The following SCTR variants were observed in gnomAD, a reference collection of about 807,000 sequenced individuals.
The protein encoded by SCTR is pancreatic secretin receptor.
A neutral mutation model predicts 60.8 loss-of-function variants in SCTR; 56 were observed. The observed-to-expected ratio is 0.92, with a 90% CI of 0.74 to 1.15. SCTR has a LOEUF of 1.15. Among genes scored for constraint, SCTR ranks in the 50% most tolerant of loss-of-function variants. The pLI is 0.00. For synonymous variants in SCTR, 202 were observed against 217.0 expected, an observed-to-expected ratio of 0.93 and a Z score of 0.61; for missense variants, 562 against 550.4, an observed-to-expected ratio of 1.02 and a Z score of -0.21.
intron 8 of SCTR, among the ~76,000 whole-genome samples, chr2:119,452,635 A>G (rs945130577): frequency 6.6e-6 from 1 of 152,174 alleles, no homozygotes; most frequent in Admixed American, 6.5e-5. Flanking sequence ...CCAATACAAA[A>G]ATTACTTTGA....
chr2:119,488,973 G>A (rs752396784), intron 2 of SCTR, among the ~76,000 whole-genome samples: 3 of 152,180 alleles, frequency 2.0e-5, no homozygotes, highest in Non-Finnish European at 4.4e-5. Flanking sequence ...ATCCAGCAGT[G>A]AGTGGCCTCA....
At chr2:119,507,138 T>C (rs1184793118) in intron 1 of SCTR, among the ~76,000 whole-genome samples, 1 of 152,144 alleles carries the variant, frequency 6.6e-6, no homozygotes, top group East Asian at 1.9e-4. Flanking sequence ...TAAAAGAACA[T>C]CTAGCTAGGT....
chr2:119,450,660 T>G (rs1299404279), intron 9 of SCTR, among the ~76,000 whole-genome samples: 1 of 152,212 alleles, frequency 6.6e-6, no homozygotes, highest in Non-Finnish European at 1.5e-5. Flanking sequence ...GAATGATTTT[T>G]TTTTTCCTTT....
intron 5 of SCTR, 31 bp from the exon 6 acceptor site, chr2:119,464,286 C>T (rs1243133456): frequency 6.2e-7 from 1 of 1,613,362 alleles, no homozygotes; most frequent in African/African-American, 1.3e-5. Flanking sequence ...GACATAGAGG[C>T]CAGAGCCTGA....
intron 1 of SCTR, among the ~76,000 whole-genome samples, chr2:119,497,882 AT>A (rs930330586): frequency 6.6e-6 from 1 of 152,156 alleles, no homozygotes; most frequent in Non-Finnish European, 1.5e-5. Flanking sequence ...GAGGAACCTG[AT>A]GGGGATTATA....
chr2:119,516,015 G>C (rs752120486), intron 1 of SCTR, among the ~76,000 whole-genome samples: 2 of 152,124 alleles, frequency 1.3e-5, no homozygotes. Context: ...AATCAAAGCC[G>C]CAATGAGCCA....
In SCTR at chr2:119,477,694, G is replaced by A. The variant is rs188013931; in HGVS notation, c.301+1117C>T. 5.1e-3 allele frequency among the ~76,000 whole-genome samples: 777 copies of A among 152,222 alleles called. 5 individuals carry two copies. Among genetic ancestry groups the A allele is most frequent in the Middle Eastern group, 0.01 (3 of 294 alleles). The stretch of plus-strand genomic sequence containing the variant: ...TCGAACTCCCGACCTCAGGAGATCC[G>A]CCCACCTCGGCCTCCCAAAGTACTG... On this transcript the variant is annotated intron_variant, in intron 3 of 12. Transcript: ENST00000019103.
chr2:119,478,733 T>G, intron 3 of SCTR, 78 bp downstream of exon 3: 2 of 1,376,350 alleles, frequency 1.5e-6, no homozygotes, highest in South Asian at 1.3e-5. Flanking sequence ...TTCCTTGGCC[T>G]CCTGCCTCTA....
At position 119,445,571 on chromosome 2, in the gene SCTR, G is replaced by A. The variant is rs1682894337; in HGVS notation, c.1140+1188C>T. Among the ~76,000 whole-genome samples, 3 of 152,176 alleles carry A rather than the reference G, an allele frequency of 2.0e-5. No individual in the cohort carries two copies. The South Asian group carries it at 6.2e-4, about 31-fold the overall frequency. ...ACAGAGCTCTAGGGATGAGGGGAGGGTTTGAACCCCTGCTCGCAGGCCGAG... is the reference window on the plus strand; with the variant it reads ...ACAGAGCTCTAGGGATGAGGGGAGGATTTGAACCCCTGCTCGCAGGCCGAG... On this transcript the variant is annotated intron_variant, in intron 11 of 12. Transcript: ENST00000019103.
intron 11 of SCTR, 149 bp from the exon 12 acceptor site, chr2:119,441,748 C>A: frequency 1.4e-6 from 1 of 690,502 alleles, no homozygotes; most frequent in South Asian, 1.7e-5. Flanking sequence ...ATTAGGCTAC[C>A]TCTTGTGGGC....
chr2:119,524,064 C>A, intron 1 of SCTR, 91 bp downstream of exon 1: 3 of 946,716 alleles, frequency 3.2e-6, no homozygotes, highest in South Asian at 2.8e-5. Context: ...ATCTGCTAGT[C>A]CCTCTCCACC....
At chr2:119,518,703 GTGGTGAGAACCTACAGCT>G (rs1462309781) in intron 1 of SCTR, among the ~76,000 whole-genome samples, 1 of 152,210 alleles carries the variant, frequency 6.6e-6, no homozygotes, top group Non-Finnish European at 1.5e-5. Flanking sequence ...GTGAAGGTCA[GTGGTGAGAACCTACAGCT>G]TGCTAAGAGC....
intron 1 of SCTR, among the ~76,000 whole-genome samples, chr2:119,517,899 G>A (rs986091624): frequency 6.6e-6 from 1 of 152,178 alleles, no homozygotes; most frequent in African/African-American, 2.4e-5. Context: ...CCCCAGGGTG[G>A]CTGTATTTGG....
intron 1 of SCTR, among the ~76,000 whole-genome samples, chr2:119,507,607 T>C (rs1678782076): frequency 6.6e-6 from 1 of 152,000 alleles, no homozygotes; most frequent in Admixed American, 6.6e-5. Context: ...GAGCCAAATT[T>C]GCTATGGGTG....
intron 1 of SCTR, among the ~76,000 whole-genome samples, chr2:119,501,645 A>T (rs1678555409): frequency 6.6e-6 from 1 of 152,196 alleles, no homozygotes; most frequent in Non-Finnish European, 1.5e-5. Context: ...AACAAAAAGA[A>T]AAGATAAATG....
intron 2 of SCTR, chr2:119,480,877 G>A (rs1054366614): frequency 9.8e-5 from 15 of 152,358 alleles, no homozygotes; most frequent in African/African-American, 3.6e-4. Context: ...CATGGTGCAG[G>A]GCAGAGCCCA....
At chr2:119,505,648 C>T (rs1380534691) in intron 1 of SCTR, among the ~76,000 whole-genome samples, 4 of 145,298 alleles carry the variant, frequency 2.8e-5, no homozygotes, top group Admixed American at 7.3e-5. Context: ...TAGGTGGGAA[C>T]TGAACAATGA....
At chr2:119,523,392 C>CTATTAT (rs70947300) in intron 1 of SCTR, among the ~76,000 whole-genome samples, 3,875 of 134,194 alleles carry the variant, frequency 0.029, 72 homozygotes, top group East Asian at 0.043. Context: ...CATCCTGCCG[C>CTATTAT]TATTATTATT....
chr2:119,463,901 C>T (rs1361634538), intron 6 of SCTR, among the ~76,000 whole-genome samples: 1 of 151,550 alleles, frequency 6.6e-6, no homozygotes, highest in Non-Finnish European at 1.5e-5. Context: ...TACGGCAACC[C>T]CCATGAGCTT....
Sources: gnomAD v4.1 joint callset for allele counts (sites outside exome capture counted in the v4.1 genomes callset) on GRCh38, gnomAD v4.1.1 for gene constraint, MANE v1.5 for transcripts, NCBI Gene and HGNC (gene_info 2026-07-23, HGNC 2026-07-21) for gene names.